The following LPP variants were observed in gnomAD, a reference collection of about 807,000 sequenced individuals.
LPP encodes the protein lipoma-preferred partner.
A neutral mutation model predicts 60.4 loss-of-function variants in LPP; 38 were observed. That is an observed-to-expected ratio of 0.63 (90% confidence interval 0.49 to 0.83). LPP has a LOEUF of 0.83. LPP is among the 40% of genes least tolerant of loss of function. LPP has a pLI of 0.00. For missense variants in LPP, 902 were observed against 783.6 expected, an observed-to-expected ratio of 1.15 and a Z score of -1.80; for synonymous variants, 328 against 290.8, an observed-to-expected ratio of 1.13 and a Z score of -1.30.
chr3:188,410,837 C>T (rs1784727667), intron 4 of LPP, among the ~76,000 whole-genome samples: 1 of 151,896 alleles, frequency 6.6e-6, no homozygotes, highest in Non-Finnish European at 1.5e-5. Flanking sequence ...TTCGGTGTGC[C>T]CATTGCCCGA....
intron 9 of LPP, among the ~76,000 whole-genome samples, chr3:188,846,437 A>C (rs1025791598): frequency 3.3e-5 from 5 of 152,184 alleles, no homozygotes; most frequent in Non-Finnish European, 7.4e-5. Flanking sequence ...TAATCCCAGC[A>C]CTTTGGGAGG....
At chr3:188,212,463 G>A (rs1711608240) in intron 1 of LPP, among the ~76,000 whole-genome samples, 1 of 152,048 alleles carries the variant, frequency 6.6e-6, no homozygotes. Context: ...GTTAAAGTGG[G>A]GCATGTTCTT....
rs1560168951 is a variant in LPP at position 188,760,441 on chromosome 3, C to CGT, written c.1410+160_1410+161insTG. ...GTGTGTGTGTGTGTGTGTGTGCGTG[C>CGT]GCGCATGTAAATTAGCATATTGTAA... On this transcript the variant is annotated intron_variant, in intron 9 of 11. Coordinates refer to ENST00000617246, the MANE Select transcript of LPP (RefSeq NM_001375462.1). 4.6e-3 allele frequency among the ~76,000 whole-genome samples: 205 copies of CGT among 44,620 alleles called. 1 individual carries two copies. Among genetic ancestry groups the CGT allele is most frequent in the African/African-American group, 0.023 (197 of 8,592 alleles). The allele number at this position is 44,620 out of a possible 152,430, so 29.3% of individuals were successfully genotyped here.
intron 8 of LPP, among the ~76,000 whole-genome samples, chr3:188,719,188 A>T: frequency 6.6e-6 from 1 of 152,202 alleles, no homozygotes; most frequent in East Asian, 1.9e-4. Context: ...ACTGGGTCAC[A>T]TTTCCTCCAC....
At chr3:188,499,997 T>C (rs1400800854) in intron 5 of LPP, among the ~76,000 whole-genome samples, 1 of 152,144 alleles carries the variant, frequency 6.6e-6, no homozygotes, top group African/African-American at 2.4e-5. Flanking sequence ...TTAGTTCTAA[T>C]AGTCTTTGTG....
At chr3:188,454,730 G>C (rs1481739961) in intron 4 of LPP, among the ~76,000 whole-genome samples, 1 of 152,116 alleles carries the variant, frequency 6.6e-6, no homozygotes, top group Admixed American at 6.6e-5. Flanking sequence ...GGAAGCAAAA[G>C]CGGGAACCCC....
chr3:188,653,722 G>A (rs1309222714), intron 7 of LPP, among the ~76,000 whole-genome samples: 1 of 152,132 alleles, frequency 6.6e-6, no homozygotes. Flanking sequence ...CTAAGTTTAT[G>A]AGGTAAATTT....
rs1770922921 is a variant in LPP, at chr3:188,888,452, A to G, written c.*13973A>G. 1 of 227,804 alleles carries G rather than the reference A, an allele frequency of 4.4e-6. No homozygotes were observed. Among genetic ancestry groups the G allele is most frequent in the Non-Finnish European group, 8.7e-6 (1 of 114,340 alleles). The allele number at this position is 227,804 out of a possible 1,614,324, so 14.1% of individuals were successfully genotyped here. On this transcript the variant is annotated 3_prime_UTR_variant, in exon 12 of 12. Transcript: ENST00000617246. ...TCTGCCTTTTTAACAGCTACAGTTA[A>G]GTTGGCAAGACTTCCCCAGCTCTGA...
At chr3:188,789,310 G>A (rs1365280209) in intron 9 of LPP, among the ~76,000 whole-genome samples, 1 of 151,270 alleles carries the variant, frequency 6.6e-6, no homozygotes, top group Non-Finnish European at 1.5e-5. Context: ...TTGTTGAACG[G>A]TTATTATAAC....
intron 1 of LPP, chr3:188,179,399 C>T (rs757198457): frequency 7.2e-5 from 33 of 457,848 alleles, no homozygotes; most frequent in Non-Finnish European, 1.4e-4. Context: ...TTCCCATTGC[C>T]ACCTGCGGGC....
chr3:188,511,990 G>A (rs905378035), intron 5 of LPP, among the ~76,000 whole-genome samples: 1 of 152,140 alleles, frequency 6.6e-6, no homozygotes, highest in African/African-American at 2.4e-5. Flanking sequence ...TGGAAAAGAT[G>A]TTTCACAGTG....
chr3:188,533,464 T>C (rs998060796), intron 6 of LPP, among the ~76,000 whole-genome samples: 1 of 152,128 alleles, frequency 6.6e-6, no homozygotes, highest in African/African-American at 2.4e-5. Flanking sequence ...AAAATAGGTG[T>C]GGATAGTGGC....
Position 188,610,486 on chromosome 3 carries a change from A to C in LPP, c.1113+642A>C, listed in dbSNP as rs914424034. Reference sequence around the variant, plus strand: ...CTCCTTTGAGAAGGGGCTGCAGTATAATGCAGCTTGTTTGTGACCCCTTGT... The same window carrying C: ...CTCCTTTGAGAAGGGGCTGCAGTATCATGCAGCTTGTTTGTGACCCCTTGT... On this transcript the variant is annotated intron_variant, in intron 7 of 11. Coordinates refer to ENST00000617246, the MANE Select transcript of LPP (RefSeq NM_001375462.1). This position sits in a 1 kb window ranked among gnomAD's most constrained non-coding sequence, Gnocchi z 4.4. 6.6e-6 allele frequency among the ~76,000 whole-genome samples: 1 copy of C among 152,240 alleles called. No individual in the cohort carries two copies. Among genetic ancestry groups the C allele is most frequent in the Admixed American group, 6.5e-5 (1 of 15,274 alleles).
intron 9 of LPP, among the ~76,000 whole-genome samples, chr3:188,863,238 G>A (rs1048579011): frequency 1.3e-5 from 2 of 152,146 alleles, no homozygotes; most frequent in Non-Finnish European, 2.9e-5. Flanking sequence ...TTTTTCAAAT[G>A]AGAAAACTGA....
At chr3:188,628,808 A>C (rs1847329371) in intron 7 of LPP, among the ~76,000 whole-genome samples, 1 of 152,178 alleles carries the variant, frequency 6.6e-6, no homozygotes, top group Non-Finnish European at 1.5e-5. Flanking sequence ...ACCAAAAGTG[A>C]AAACTTCAGG....
intron 1 of LPP, chr3:188,179,230 A>G (rs1448838984): frequency 6.6e-6 from 3 of 457,776 alleles, no homozygotes; most frequent in African/African-American, 6.0e-5. Flanking sequence ...AAGAGCATGC[A>G]TGGAATCTTC....
At chr3:188,208,995 A>C (rs1435023828) in intron 1 of LPP, among the ~76,000 whole-genome samples, 1 of 152,198 alleles carries the variant, frequency 6.6e-6, no homozygotes, top group Non-Finnish European at 1.5e-5. Flanking sequence ...CACTCTCATT[A>C]TCTCATATGA....
chr3:188,325,748 A>G (rs763667860), intron 2 of LPP, among the ~76,000 whole-genome samples: 1 of 152,100 alleles, frequency 6.6e-6, no homozygotes, highest in Admixed American at 6.6e-5. Context: ...AGCTGATTAT[A>G]TATTTATATT....
At chr3:188,485,524 G>A (rs577465643) in intron 5 of LPP, among the ~76,000 whole-genome samples, 156 of 152,240 alleles carry the variant, frequency 1.0e-3, no homozygotes, top group Admixed American at 3.3e-3. Context: ...TGGGCCGGGC[G>A]CGGTGGCTCA....
Sources: allele counts gnomAD v4.1 joint callset (sites outside exome capture counted in the v4.1 genomes callset), GRCh38; gene constraint gnomAD v4.1.1; non-coding constraint Gnocchi (gnomAD v3.1); transcripts MANE v1.5; gene names NCBI Gene and HGNC (gene_info 2026-07-23, HGNC 2026-07-21).